The following GLRA2 variants were observed in gnomAD, a reference collection of about 807,000 sequenced individuals.
The protein encoded by GLRA2 is glycine receptor subunit alpha-2.
A neutral mutation model predicts 31.6 loss-of-function variants in GLRA2; 11 were observed. The ratio of observed to expected loss-of-function variants is 0.35; its 90% confidence interval spans 0.22 to 0.58. The LOEUF (loss-of-function observed/expected upper bound fraction) is 0.58. Ranked by LOEUF, GLRA2 falls within the 20% of genes least tolerant of loss-of-function variation. GLRA2 has a pLI of 0.84. For missense variants in GLRA2, 212 were observed against 351.8 expected, an observed-to-expected ratio of 0.60 and a Z score of 3.18; for synonymous variants, 132 against 134.0, an observed-to-expected ratio of 0.99 and a Z score of 0.10.
At chrX:14,489,027 C>T in the GLRA2 span, among the ~76,000 whole-genome samples, 112 of 112,014 alleles carry the variant, frequency 1.0e-3, 1 homozygote, top group African/African-American at 3.0e-3. Flanking sequence ...CCTTTAACCC[C>T]TCTGTTTACC....
intron 8 of GLRA2, among the ~76,000 whole-genome samples, chrX:14,691,999 A>G (rs1479511110): frequency 8.9e-6 from 1 of 112,206 alleles, no homozygotes; most frequent in Non-Finnish European, 1.9e-5. Context: ...TTAATGCTGC[A>G]AATACCTAGA....
At chrX:14,543,236 CAAAAAAAAAA>C (rs60906048) in intron 2 of GLRA2, among the ~76,000 whole-genome samples, 3 of 23,378 alleles carry the variant, frequency 1.3e-4, no homozygotes, top group African/African-American at 1.6e-4. Context: ...TTGTCATCTG[CAAAAAAAAAA>C]AAAAAAAAAA....
chrX:14,547,710 T>C (rs765851039), intron 2 of GLRA2, among the ~76,000 whole-genome samples: 2 of 111,520 alleles, frequency 1.8e-5, no homozygotes, highest in African/African-American at 6.5e-5. Context: ...CTCTCTACCA[T>C]CCCTGCCTTT....
the GLRA2 span, among the ~76,000 whole-genome samples, chrX:14,504,123 G>A: frequency 4.5e-5 from 5 of 111,489 alleles, no homozygotes; most frequent in East Asian, 8.4e-4. Context: ...GTATGTTTAC[G>A]ACATCATTGA....
At chrX:14,562,294 G>A (rs1337779303) in intron 2 of GLRA2, among the ~76,000 whole-genome samples, 5 of 112,104 alleles carry the variant, frequency 4.5e-5, no homozygotes, top group Admixed American at 9.4e-5. Context: ...AGGTAACTTC[G>A]AAATGGTAGG....
chrX:14,467,410 G>A, the GLRA2 span, among the ~76,000 whole-genome samples: 1 of 112,052 alleles, frequency 8.9e-6, no homozygotes, highest in South Asian at 3.7e-4. Context: ...AACGTCCACA[G>A]ACCTCAACAT....
At position 14,546,534 on chromosome X, in the gene GLRA2, A is replaced by G. The variant is rs545291180; in HGVS notation, c.202+14162A>G. Reference sequence around the variant, plus strand: ...CTTGGCAAAAGAATACACTTATCTCAAGGAGAAAACTCCACGATTCTACTT... The same window carrying G: ...CTTGGCAAAAGAATACACTTATCTCGAGGAGAAAACTCCACGATTCTACTT... On this transcript the variant is annotated intron_variant, in intron 2 of 8. Transcript: ENST00000218075. Among the ~76,000 whole-genome samples, 7 of 111,470 alleles carry G rather than the reference A, an allele frequency of 6.3e-5. No homozygotes were observed. The South Asian group carries it at 2.2e-3, about 36-fold the overall frequency.
At position 14,607,157 on chromosome X, in the gene GLRA2, T is replaced by C. The variant is rs1296702901; in HGVS notation, c.604T>C (p.Phe202Leu). The change falls in exon 6 of 9, where the codon TTT becomes CTT. Residue 202 changes from phenylalanine (F) to leucine (L), a missense_variant. By Grantham distance (22) the Phe-to-Leu change is conservative. Transcript: ENST00000218075. ...SFGYTMNDLIFEWLSDGPVQV... is the reference protein window; with the variant it reads ...SFGYTMNDLILEWLSDGPVQV... ...TGGGTACACGATGAATGACCTGATA[T>C]TTGAGTGGTTAAGTGATGGTCCAGT... The C allele has an allele frequency of 1.4e-5, 17 of 1,184,990 alleles. No homozygotes were observed. The highest frequency in any genetic ancestry group is 1.8e-5 in the Non-Finnish European group (16 of 873,608).
At chrX:14,724,250 G>T (rs1364203696) in intron 8 of GLRA2, among the ~76,000 whole-genome samples, 1 of 111,490 alleles carries the variant, frequency 9.0e-6, no homozygotes, top group Non-Finnish European at 1.9e-5. Context: ...CAAAAAATCA[G>T]AGACTTTTGT....
chrX:14,587,704 A>G (rs1046975712), intron 4 of GLRA2, among the ~76,000 whole-genome samples: 1 of 111,793 alleles, frequency 8.9e-6, no homozygotes, highest in African/African-American at 3.3e-5. Flanking sequence ...TATCAGATGC[A>G]TAGTTTGTGA....
the GLRA2 span, among the ~76,000 whole-genome samples, chrX:14,511,942 G>T: frequency 9.0e-6 from 1 of 111,643 alleles, no homozygotes; most frequent in African/African-American, 3.3e-5. Context: ...AGCAGAAGAG[G>T]TAGAACTTTA....
In GLRA2 at chrX:14,555,993, G is replaced by T. The variant is rs764922787; in HGVS notation, c.203-18340G>T. 2.7e-5 allele frequency among the ~76,000 whole-genome samples: 3 copies of T among 111,540 alleles called. No homozygotes were observed. In the East Asian group the frequency reaches 8.5e-4, roughly 32 times the overall value. On this transcript the variant is annotated intron_variant, in intron 2 of 8. Transcript: ENST00000218075. ...AAAAGATTAGACACATATAAAAGTC[G>T]ACCATAATACAATAAGATAAGGGTT...
intron 4 of GLRA2, among the ~76,000 whole-genome samples, chrX:14,587,222 T>C (rs753661541): frequency 1.8e-5 from 2 of 112,645 alleles, no homozygotes; most frequent in East Asian, 5.5e-4. Context: ...GCTGGTTCCA[T>C]GTCTGCTATT....
At chrX:14,712,135 AGATATCACATTATATTATAGTCATTT>A (rs1240160052) in intron 8 of GLRA2, among the ~76,000 whole-genome samples, 5 of 113,000 alleles carry the variant, frequency 4.4e-5, no homozygotes, top group Non-Finnish European at 9.4e-5. Context: ...TTGCCAGAGC[AGATATCACATTATATTATAGTCATTT>A]GTCTGTATCA....
chrX:14,611,425 CTTTTTTCCATGTGCATTTATGGG>C (rs2090395826), intron 7 of GLRA2, among the ~76,000 whole-genome samples: 1 of 112,879 alleles, frequency 8.9e-6, no homozygotes, highest in Non-Finnish European at 1.9e-5. Context: ...TTCTTTCAGT[CTTTTTTCCATGTGCATTTATGGG>C]CAAGCCCATG....
chrX:14,685,682 T>C (rs1053735314), intron 7 of GLRA2, among the ~76,000 whole-genome samples: 3 of 112,017 alleles, frequency 2.7e-5, no homozygotes, highest in Non-Finnish European at 3.8e-5. Context: ...TCATTTTTTA[T>C]TGCGTCTATT....
chrX:14,491,261 T>G, the GLRA2 span, among the ~76,000 whole-genome samples: 38 of 111,756 alleles, frequency 3.4e-4, no homozygotes, highest in African/African-American at 1.2e-3. Flanking sequence ...AAAAATAGGA[T>G]CATATTTTTA....
intron 2 of GLRA2, among the ~76,000 whole-genome samples, chrX:14,541,421 G>A (rs2089402317): frequency 9.0e-6 from 1 of 111,360 alleles, no homozygotes; most frequent in Non-Finnish European, 1.9e-5. Flanking sequence ...ATTCTCCTAC[G>A]TTAGGAAAAG....
chrX:14,485,787 ATTCTCAACAAAGCTCC>A, the GLRA2 span, among the ~76,000 whole-genome samples: 2 of 111,371 alleles, frequency 1.8e-5, no homozygotes, highest in African/African-American at 3.3e-5. Flanking sequence ...ACAGCTGTCT[ATTCTCAACAAAGCTCC>A]AGAGTGATAC....
Sources: allele counts gnomAD v4.1 joint callset (sites outside exome capture counted in the v4.1 genomes callset), GRCh38; gene constraint gnomAD v4.1.1; transcripts MANE v1.5; gene names NCBI Gene and HGNC (gene_info 2026-07-23, HGNC 2026-07-21).